HELLS: variants seen among roughly 807,000 people sequenced by gnomAD.
The protein encoded by HELLS is lymphoid-specific helicase.
HELLS carries 32 observed loss-of-function variants against 120.0 expected under a neutral mutation model. The ratio of observed to expected loss-of-function variants is 0.27; its 90% confidence interval spans 0.20 to 0.36. The LOEUF (loss-of-function observed/expected upper bound fraction) is 0.36. HELLS is among the 10% of genes least tolerant of loss of function. The pLI is 1.00. For missense variants in HELLS, 650 were observed against 993.4 expected, an observed-to-expected ratio of 0.65 and a Z score of 4.65; for synonymous variants, 341 against 323.4, an observed-to-expected ratio of 1.05 and a Z score of -0.58.
chr10:94,608,659 C>G (rs992758108), intron 9 of HELLS, among the ~76,000 whole-genome samples: 1 of 150,332 alleles, frequency 6.7e-6, no homozygotes, highest in African/African-American at 2.4e-5. Flanking sequence ...TTTTTCTTCA[C>G]TGTGTCATCC....
chr10:94,576,659 C>T lies in HELLS; in HGVS notation c.889-3C>T. The T allele has an allele frequency of 1.3e-6, 2 of 1,520,602 alleles. No homozygotes were observed. The highest frequency in any genetic ancestry group is 2.6e-5 in the South Asian group (2 of 76,212). The allele number at this position is 1,520,602 out of a possible 1,614,324, so 94.2% of individuals were successfully genotyped here. ...TGATAAAAATCAATATAAAATTTTTCAGATCCCTACAATGTTATATCATGG... is the reference window on the plus strand; with the variant it reads ...TGATAAAAATCAATATAAAATTTTTTAGATCCCTACAATGTTATATCATGG... On this transcript the variant is annotated splice_polypyrimidine_tract_variant and splice_region_variant and intron_variant, in intron 9 of 21. Coordinates refer to ENST00000348459, the MANE Select transcript of HELLS (RefSeq NM_018063.5).
intron 9 of HELLS, among the ~76,000 whole-genome samples, chr10:94,576,163 G>A (rs570673922): frequency 6.6e-6 from 1 of 152,158 alleles, no homozygotes; most frequent in East Asian, 1.9e-4. Context: ...GCTCAGGCTG[G>A]AGTGCAGTGG....
At chr10:94,565,940 C>T (rs191497702) in intron 6 of HELLS, among the ~76,000 whole-genome samples, 154 of 151,618 alleles carry the variant, frequency 1.0e-3, no homozygotes, top group Non-Finnish European at 1.6e-3. Flanking sequence ...TACCCTGGCT[C>T]GAATGCAGCT....
Position 94,562,746 on chromosome 10 carries a change from G to A in HELLS, c.370+19G>A, listed in dbSNP as rs1843619500. The A allele has an allele frequency of 5.1e-6, 8 of 1,574,644 alleles. No homozygotes were observed. The highest frequency in any genetic ancestry group is 2.2e-5 in the East Asian group (1 of 44,550). On this transcript the variant is annotated intron_variant, in intron 5 of 21. Coordinates refer to ENST00000348459, the MANE Select transcript of HELLS (RefSeq NM_018063.5). ...AAGCCAGGTAAATATCCTTATTCTA[G>A]TTTTGAAGAATATGCGTTTATATTT...
At chr10:94,565,690 C>T (rs2031323) in intron 6 of HELLS, among the ~76,000 whole-genome samples, 44,796 of 151,990 alleles carry the variant, frequency 0.29, 7,713 homozygotes, top group Admixed American at 0.44. Flanking sequence ...AATTCCATCT[C>T]AAAAAAGAAA....
intron 6 of HELLS, among the ~76,000 whole-genome samples, chr10:94,564,409 T>C (rs968908721): frequency 1.1e-4 from 17 of 152,294 alleles, no homozygotes; most frequent in Admixed American, 1.0e-3. Flanking sequence ...TCACTATAAT[T>C]TAACTTTTTG....
rs1272015963 is a variant in HELLS, at chr10:94,590,688, T to C, written c.1679T>C (p.Leu560Pro). The change falls in exon 15 of 22, where the codon CTG becomes CCG. Residue 560 changes from leucine to proline, a missense_variant. By Grantham distance (98) the Leu-to-Pro change is moderately conservative (BLOSUM62 -3). Around this residue, in one of 9 missense-constraint regions of HELLS, gnomAD observed 191 missense variants for 259.7 expected, o/e 0.74. Transcript: ENST00000348459. ...GTAGAATCTGAAGTTAATCTGAAGC[T>C]GCAGAATATAATGATGCTACTTCGT... ...IPVESEVNLK[L>P]QNIMMLLRKC... is the part of the protein sequence containing the mutation. 2 of 1,610,798 alleles carry C rather than the reference T, an allele frequency of 1.2e-6. No homozygotes were observed. The highest frequency in any genetic ancestry group is 3.3e-5 in the Admixed American group (2 of 59,820).
At chr10:94,598,141 C>T (rs1014864042) in intron 21 of HELLS, among the ~76,000 whole-genome samples, 4 of 151,940 alleles carry the variant, frequency 2.6e-5, no homozygotes, top group African/African-American at 7.2e-5. Context: ...ATATTACTGT[C>T]GTCTAGGCTA....
At chr10:94,587,685 C>A (rs1845238857) in intron 12 of HELLS, among the ~76,000 whole-genome samples, 1 of 152,176 alleles carries the variant, frequency 6.6e-6, no homozygotes, top group African/African-American at 2.4e-5. Flanking sequence ...TCTTGGCCTC[C>A]CAAAGTGCTG....
intron 18 of HELLS, among the ~76,000 whole-genome samples, chr10:94,593,971 A>ATTTTT (rs904284453): frequency 4.9e-5 from 6 of 122,300 alleles, no homozygotes; most frequent in Admixed American, 1.7e-4. Flanking sequence ...TCCATTCTGA[A>ATTTTT]TTTTTTTTTT....
chr10:94,557,054 C>A, intron 3 of HELLS: 1 of 200,962 alleles, frequency 5.0e-6, no homozygotes, highest in South Asian at 6.5e-5. Flanking sequence ...TAGATGAGAC[C>A]TGCCCTCACA....
chr10:94,597,196 C>A, intron 21 of HELLS, 85 bp downstream of exon 21: 1 of 719,870 alleles, frequency 1.4e-6, no homozygotes, highest in South Asian at 1.8e-5. Flanking sequence ...GCAATTCATT[C>A]AGCCACATGT....
chr10:94,560,774 G>T (rs1843516522), intron 4 of HELLS, among the ~76,000 whole-genome samples: 1 of 149,892 alleles, frequency 6.7e-6, no homozygotes, highest in Admixed American at 6.7e-5. Flanking sequence ...AATAAAAATG[G>T]GCCAGGCACG....
chr10:94,594,839 T>C lies in HELLS; in HGVS notation c.2233T>C (p.Leu745=). ...RAAAKRKLEK[L]IIHKNHFKGG... is the part of the protein sequence containing the mutation. ...AGCTGCTAAAAGGAAACTGGAAAAG[T>C]TGATCATCCATAAAAGTAAATAACA... The change falls in exon 19 of 22, where the codon TTG becomes CTG. Residue 745 remains leucine, a synonymous_variant. Coordinates refer to ENST00000348459, the MANE Select transcript of HELLS (RefSeq NM_018063.5). The C allele has an allele frequency of 3.7e-6, 6 of 1,611,844 alleles. No homozygotes were observed. The highest frequency in any genetic ancestry group is 5.1e-6 in the Non-Finnish European group (6 of 1,178,382).
intron 3 of HELLS, among the ~76,000 whole-genome samples, chr10:94,555,066 C>G (rs935017954): frequency 2.0e-5 from 3 of 152,028 alleles, no homozygotes; most frequent in African/African-American, 7.3e-5. Context: ...TGGCTTGAGC[C>G]AAGGAGATTG....
At chr10:94,604,124 C>CTTT (rs1197097813), downstream of HELLS, among the ~76,000 whole-genome samples, 22 of 130,396 alleles carry the variant, frequency 1.7e-4, no homozygotes, top group Non-Finnish European at 2.1e-4. Flanking sequence ...CCACATCTGG[C>CTTT]TTTTTTTTTT....
At chr10:94,555,418 CAG>C (rs1184918104) in intron 3 of HELLS, among the ~76,000 whole-genome samples, 2 of 152,068 alleles carry the variant, frequency 1.3e-5, no homozygotes, top group Non-Finnish European at 2.9e-5. Flanking sequence ...GCCTGGATGA[CAG>C]AGTGAGACCC....
At chr10:94,594,561 A>G (rs1845652435) in intron 18 of HELLS, 134 bp from the exon 19 acceptor site, 2 of 563,698 alleles carry the variant, frequency 3.5e-6, no homozygotes, top group Non-Finnish European at 6.0e-6. Context: ...CTATGAAGCC[A>G]CTCTGGAAGT....
chr10:94,573,068 T>C (rs986983839), intron 7 of HELLS, among the ~76,000 whole-genome samples: 1 of 152,124 alleles, frequency 6.6e-6, no homozygotes, highest in Non-Finnish European at 1.5e-5. Flanking sequence ...CAAGCGATTC[T>C]CCTGCCTCAG....
Sources: allele counts gnomAD v4.1 joint callset (sites outside exome capture counted in the v4.1 genomes callset), GRCh38; gene constraint gnomAD v4.1.1; regional missense constraint gnomAD v4.1.1; transcripts MANE v1.5; gene names NCBI Gene and HGNC (gene_info 2026-07-23, HGNC 2026-07-21).